The following FER1L6 variants were observed in gnomAD, a reference collection of about 807,000 sequenced individuals.
FER1L6 encodes the protein fer-1 like family member 6.
A neutral mutation model predicts 219.2 loss-of-function variants in FER1L6; 177 were observed. That is an observed-to-expected ratio of 0.81 (90% CI 0.71 to 0.91). The LOEUF (loss-of-function observed/expected upper bound fraction) is 0.91, where lower values mean the gene tolerates loss of function less well. FER1L6 is among the 40% of genes least tolerant of loss of function. FER1L6 has a pLI of 0.00. For synonymous variants in FER1L6, 768 were observed against 824.3 expected (o/e 0.93, Z 1.17); for missense variants, 2,153 against 2,259.9 (o/e 0.95, Z 0.96).
intron 1 of FER1L6, among the ~76,000 whole-genome samples, chr8:123,916,504 G>A (rs1263335646): frequency 1.3e-5 from 2 of 152,184 alleles, no homozygotes; most frequent in Non-Finnish European, 1.5e-5. Context: ...ATTTTTAGAA[G>A]AGGATAATGA....
intron 34 of FER1L6, 141 bp downstream of exon 34, chr8:124,091,724 T>C (rs1450694775): frequency 5.8e-6 from 5 of 865,766 alleles, no homozygotes; most frequent in Non-Finnish European, 8.7e-6. Flanking sequence ...CCCAGCACTA[T>C]GGGAGGCTGA....
chr8:123,930,823 G>T (rs1813736140), intron 1 of FER1L6, among the ~76,000 whole-genome samples: 1 of 152,154 alleles, frequency 6.6e-6, no homozygotes, highest in African/African-American at 2.4e-5. Flanking sequence ...TCATGGTCTT[G>T]GTCTTTGTAG....
intron 1 of FER1L6, among the ~76,000 whole-genome samples, chr8:123,860,091 T>C (rs1816720144): frequency 7.3e-6 from 1 of 137,416 alleles, no homozygotes; most frequent in South Asian, 2.4e-4. Context: ...TAACTCGTCA[T>C]CTAGCATTAG....
In FER1L6 at chr8:123,878,074, C is replaced by G. The variant is rs375798769; in HGVS notation, c.-8+25889C>G. On this transcript the variant is annotated intron_variant, in intron 1 of 40. Transcript: ENST00000522917. ...ATCAGGCTTAAAATTGTTAAGTCAT[C>G]GTGTGTCACTCTCCCAGAGAGGGCA... 2.0e-5 allele frequency among the ~76,000 whole-genome samples: 3 copies of G among 152,020 alleles called. No individual in the cohort carries two copies. The East Asian group carries it at 5.8e-4, about 29-fold the overall frequency.
intron 1 of FER1L6, among the ~76,000 whole-genome samples, chr8:123,912,971 C>T (rs893668946): frequency 6.6e-6 from 1 of 152,174 alleles, no homozygotes; most frequent in Non-Finnish European, 1.5e-5. Flanking sequence ...TTAGACCCAT[C>T]TCTTCACCAG....
intron 1 of FER1L6, among the ~76,000 whole-genome samples, chr8:123,914,504 A>G (rs1813129103): frequency 6.6e-6 from 1 of 152,202 alleles, no homozygotes; most frequent in East Asian, 1.9e-4. Context: ...CATGCACAGC[A>G]ATGAATGTTG....
At chr8:123,918,089 A>T (rs1217159821) in intron 1 of FER1L6, among the ~76,000 whole-genome samples, 9 of 152,160 alleles carry the variant, frequency 5.9e-5, no homozygotes, top group Non-Finnish European at 1.2e-4. Flanking sequence ...GCGAGTGGAT[A>T]GCTTGAGCCC....
At chr8:124,103,056 G>A (rs1822611384) in intron 38 of FER1L6, 90 bp from the exon 39 acceptor site, 1 of 1,159,280 alleles carries the variant, frequency 8.6e-7, no homozygotes. Flanking sequence ...GGAAGTGAAG[G>A]GTGAATGAAT....
chr8:124,071,638 C>T lies in FER1L6; in HGVS notation c.4092+7C>T. 6.2e-7 allele frequency: 1 copy of T among 1,610,834 alleles called. No individual in the cohort carries two copies. The highest frequency in any genetic ancestry group is 8.5e-7 in the Non-Finnish European group (1 of 1,177,364). On this transcript the variant is annotated splice_region_variant and intron_variant, in intron 31 of 40. Coordinates refer to ENST00000522917, the MANE Select transcript of FER1L6 (RefSeq NM_001039112.2). The stretch of plus-strand genomic sequence containing the variant: ...CAGAGTATACATTGTCGCGGTGAGC[C>T]ATTCTTGTTTGCTCTGAGGGGGTGT...
At chr8:124,105,211 C>A (rs1403974066) in intron 39 of FER1L6, among the ~76,000 whole-genome samples, 1 of 152,054 alleles carries the variant, frequency 6.6e-6, no homozygotes. Context: ...AGAGCAAATT[C>A]CACAGGCGAA....
intron 33 of FER1L6, among the ~76,000 whole-genome samples, chr8:124,088,614 C>A (rs1217296285): frequency 6.6e-6 from 1 of 151,990 alleles, no homozygotes; most frequent in East Asian, 1.9e-4. Context: ...TGGGTCACAC[C>A]TGAAGCCAGC....
intron 20 of FER1L6, among the ~76,000 whole-genome samples, chr8:124,043,466 A>G (rs1819592815): frequency 6.6e-6 from 1 of 152,236 alleles, no homozygotes; most frequent in East Asian, 1.9e-4. Context: ...TAACTCAGTT[A>G]TAATGCATAA....
chr8:123,901,462 A>G (rs1396806243), intron 1 of FER1L6, among the ~76,000 whole-genome samples: 1 of 151,710 alleles, frequency 6.6e-6, no homozygotes, highest in Admixed American at 6.6e-5. Flanking sequence ...TTTTTGTTTC[A>G]TTTATCTTTT....
At position 124,111,737 on chromosome 8, in the gene FER1L6, CAGAGG is replaced by C. The variant is rs1823030762; in HGVS notation, c.5290-7106_5290-7102del. Among the ~76,000 whole-genome samples, 1 of 152,110 alleles carries C rather than the reference CAGAGG, an allele frequency of 6.6e-6. No homozygotes were observed. The highest frequency in any genetic ancestry group is 2.4e-5 in the African/African-American group (1 of 41,416). The stretch of plus-strand genomic sequence containing the variant: ...GTGGGAGTGTAGCAGTGAGGATGAC[CAGAGG>C]TCACTCTTGTTCTCTGGTCGGTGGG... On this transcript the variant is annotated intron_variant, in intron 39 of 40. Transcript: ENST00000522917. This position sits in a 1 kb window ranked among gnomAD's most constrained non-coding sequence, Gnocchi z 5.0.
chr8:124,073,334 C>T (rs183539150), intron 31 of FER1L6, among the ~76,000 whole-genome samples: 2 of 150,892 alleles, frequency 1.3e-5, no homozygotes, highest in Middle Eastern at 3.4e-3. Context: ...TGGAACTTGA[C>T]GACAGGAGGG....
At position 123,980,697 on chromosome 8, in the gene FER1L6, A is replaced by G; in HGVS notation, c.1296A>G (p.Lys432=). 1 of 1,614,164 alleles carries G rather than the reference A, an allele frequency of 6.2e-7. No homozygotes were observed. ...TGCCTTCCAAGGACAAAGACTCCAA[A>G]TCTTCCAAAGGTAAAGACAAGGCTG... The part of the protein sequence containing the change: ...LKLPSKDKDS[K]SSKGKDKADK... Residue 432 remains lysine, a synonymous_variant, in exon 11 of 41, where the codon AAA becomes AAG. Coordinates refer to ENST00000522917, the MANE Select transcript of FER1L6 (RefSeq NM_001039112.2).
rs373324305 is a variant in FER1L6 at position 123,869,129 on chromosome 8, A to G, written c.-8+16944A>G. Among the ~76,000 whole-genome samples, 9 of 152,354 alleles carry G rather than the reference A, an allele frequency of 5.9e-5. No homozygotes were observed. In the South Asian group the frequency reaches 1.0e-3, roughly 18 times the overall value. Reference sequence around the variant, plus strand: ...AAGAAATTGCTTCTGAGCCAGGTCTAAAAGTAGAAAAAACAAAGGATTACA... The same window carrying G: ...AAGAAATTGCTTCTGAGCCAGGTCTGAAAGTAGAAAAAACAAAGGATTACA... On this transcript the variant is annotated intron_variant, in intron 1 of 40. Coordinates refer to ENST00000522917, the MANE Select transcript of FER1L6 (RefSeq NM_001039112.2).
chr8:123,964,988 GA>G (rs1187245683), intron 3 of FER1L6, among the ~76,000 whole-genome samples: 2 of 152,122 alleles, frequency 1.3e-5, no homozygotes, highest in African/African-American at 4.8e-5. Context: ...TTTTTCCCCT[GA>G]ATCTGGCACT....
chr8:124,094,552 C>A (rs1334521285), intron 34 of FER1L6, among the ~76,000 whole-genome samples: 1 of 152,156 alleles, frequency 6.6e-6, no homozygotes, highest in Non-Finnish European at 1.5e-5. Context: ...GTGGCGCGAT[C>A]TCAGCTCACT....
Sources: gnomAD v4.1 joint callset for allele counts (sites outside exome capture counted in the v4.1 genomes callset) on GRCh38, gnomAD v4.1.1 for gene constraint, Gnocchi (gnomAD v3.1) non-coding constraint, MANE v1.5 for transcripts, NCBI Gene and HGNC (gene_info 2026-07-23, HGNC 2026-07-21) for gene names.